ZNF564: variants seen among roughly 807,000 people sequenced by gnomAD.
ZNF564 encodes zinc finger protein 564.
ZNF564 carries 5 observed loss-of-function variants against 10.5 expected under a neutral mutation model. The observed-to-expected ratio is 0.48, with a 90% CI of 0.25 to 1.00. The LOEUF is 1.00. Among genes scored for constraint, ZNF564 ranks in the 50% least tolerant of loss-of-function variants. ZNF564 has a pLI of 0.16. For synonymous variants in ZNF564, 242 were observed against 218.1 expected (o/e 1.11, Z -0.97); for missense variants, 603 against 669.7 (o/e 0.90, Z 1.10).
intron 1 of ZNF564, among the ~76,000 whole-genome samples, chr19:12,543,673 CAAAAAAAAA>C (rs57611686): frequency 6.4e-5 from 4 of 62,256 alleles, no homozygotes; most frequent in Non-Finnish European, 1.2e-4. Flanking sequence ...GACTTCGTCT[CAAAAAAAAA>C]AAAAAAAAAA....
chr19:12,527,271 TTTC>T lies in ZNF564; in HGVS notation c.834_836del (p.Lys279del). ...TCCCACACTGTTTACATTCATGGGG[TTTC>T]TCTCCAGTATGAGTTCTTTCATGTA... On this transcript the variant is annotated inframe_deletion, in exon 4 of 4. Coordinates refer to ENST00000339282, the MANE Select transcript of ZNF564 (RefSeq NM_144976.4). 6.2e-7 allele frequency: 1 copy of T among 1,613,966 alleles called. No individual in the cohort carries two copies. The highest frequency in any genetic ancestry group is 8.5e-7 in the Non-Finnish European group (1 of 1,179,994).
rs148242369 is a variant in ZNF564 at position 12,550,292 on chromosome 19, C to CA, written c.3+1037dup. ...GGGCAATAAGAGCGAAACTCTGTCT[C>CA]AAAAAAAAAAAAAAATTTTACCGTA... On this transcript the variant is annotated intron_variant, in intron 1 of 3. Coordinates refer to ENST00000339282, the MANE Select transcript of ZNF564 (RefSeq NM_144976.4). 7.5e-3 allele frequency: 874 copies of CA among 116,208 alleles called. 3 individuals carry two copies. The highest frequency in any genetic ancestry group is 0.044 in the East Asian group (173 of 3,938). The allele number at this position is 116,208 out of a possible 1,614,324, so 7.2% of individuals were successfully genotyped here.
chr19:12,550,485 GT>G (rs2022232410), intron 1 of ZNF564: 1 of 281,820 alleles, frequency 3.5e-6, no homozygotes, highest in Non-Finnish European at 7.6e-6. Context: ...GAGAAACCCA[GT>G]TTCTACCAAA....
rs1302558303 is a variant in ZNF564, at chr19:12,533,748, A to T, written c.4-5052T>A. Among the ~76,000 whole-genome samples the T allele has an allele frequency of 4.0e-5, 6 of 150,004 alleles. No homozygotes were observed. In the East Asian group the frequency reaches 1.2e-3, roughly 29 times the overall value. On this transcript the variant is annotated intron_variant, in intron 1 of 3. Coordinates refer to ENST00000339282, the MANE Select transcript of ZNF564 (RefSeq NM_144976.4). The stretch of plus-strand genomic sequence containing the variant: ...TCTCCAAAAAAAAAAAAAAAAAAAA[A>T]AACAGAAAAAAGAAAAGAGTCTACT...
chr19:12,533,604 G>A (rs1026114556), intron 1 of ZNF564, among the ~76,000 whole-genome samples: 5 of 151,668 alleles, frequency 3.3e-5, no homozygotes, highest in African/African-American at 7.3e-5. Flanking sequence ...GCGCATGCCT[G>A]TAATCCCAGC....
Position 12,528,600 on chromosome 19 carries a change from G to T in ZNF564, c.100C>A (p.Arg34=), listed in dbSNP as rs761411593. ...SQKKLYRDVM[R]ETFRNLACVG... ...CAGGCCAGGTTTCTAAAGGTTTCCC[G>T]CATCACATCTCTGTAGAGTTTCTTC... is the stretch of plus-strand genomic sequence containing the variant. The change falls in exon 2 of 4, where the codon CGG becomes AGG. Residue 34 remains arginine, a synonymous_variant. Transcript: ENST00000339282. The T allele has an allele frequency of 6.2e-7, 1 of 1,613,724 alleles. No homozygotes were observed. Among genetic ancestry groups the T allele is most frequent in the South Asian group, 1.1e-5 (1 of 91,022 alleles).
chr19:12,538,593 CCA>C lies in ZNF564; in HGVS notation c.4-9899_4-9898del, dbSNP rs1412829443. On this transcript the variant is annotated intron_variant, in intron 1 of 3. Transcript: ENST00000339282. ...TGAGCCAAGATTGCGCCATTGCATT[CCA>C]GCCTGGGCAACACAGCAAGACTCTG... Among the ~76,000 whole-genome samples the C allele has an allele frequency of 1.5e-4, 23 of 151,894 alleles. 3 individuals carry two copies. Among genetic ancestry groups the C allele is most frequent in the African/African-American group, 5.6e-4 (23 of 41,436 alleles).
chr19:12,550,879 G>A (rs1442264890), intron 1 of ZNF564, among the ~76,000 whole-genome samples: 1 of 152,114 alleles, frequency 6.6e-6, no homozygotes, highest in Non-Finnish European at 1.5e-5. Context: ...AACGGGAGTC[G>A]TAGGTTTGAG....
At chr19:12,539,878 G>A (rs2022005652) in intron 1 of ZNF564, among the ~76,000 whole-genome samples, 1 of 151,662 alleles carries the variant, frequency 6.6e-6, no homozygotes, top group East Asian at 1.9e-4. Flanking sequence ...CTACTCGGGA[G>A]GCTGAGGCAG....
At chr19:12,541,227 G>A (rs774690921) in intron 1 of ZNF564, among the ~76,000 whole-genome samples, 3 of 151,916 alleles carry the variant, frequency 2.0e-5, no homozygotes, top group African/African-American at 4.8e-5. Context: ...ACTCCACCCT[G>A]GGTGATGGGG....
intron 1 of ZNF564, among the ~76,000 whole-genome samples, chr19:12,540,803 G>A (rs1252159802): frequency 5.9e-5 from 9 of 151,750 alleles, no homozygotes; most frequent in East Asian, 1.9e-4. Context: ...GCAGTGAGCC[G>A]AGATGGCACC....
chr19:12,531,882 G>A (rs1453701201), intron 1 of ZNF564, among the ~76,000 whole-genome samples: 1 of 152,144 alleles, frequency 6.6e-6, no homozygotes, highest in African/African-American at 2.4e-5. Flanking sequence ...GACAGATGCT[G>A]TTATAGTGGA....
intron 1 of ZNF564, among the ~76,000 whole-genome samples, chr19:12,533,727 CAAAAAAAA>C (rs59631972): frequency 6.9e-5 from 2 of 29,182 alleles, no homozygotes; most frequent in African/African-American, 3.4e-4. Context: ...CTGCTGTCTC[CAAAAAAAA>C]AAAAAAAAAA....
rs754163760 is a variant in ZNF564 at position 12,528,356 on chromosome 19, A to AT, written c.138dup (p.Trp47MetfsTer7). The AT allele has an allele frequency of 3.7e-6, 6 of 1,606,098 alleles. No homozygotes were observed. The highest frequency in any genetic ancestry group is 1.8e-5 in the Admixed American group (1 of 56,600). Reference sequence around the variant, plus strand: ...CAATCTTCAATGCTCTGGTCTTCCCATTTTTTTCCTAAAATATAGTCAGAA... The same window carrying AT: ...CAATCTTCAATGCTCTGGTCTTCCCATTTTTTTTCCTAAAATATAGTCAGAA... On this transcript the variant is annotated frameshift_variant, in exon 3 of 4. Transcript: ENST00000339282. LOFTEE classifies it high-confidence loss of function.
chr19:12,549,324 A>T (rs906984742), intron 1 of ZNF564, among the ~76,000 whole-genome samples: 3 of 152,162 alleles, frequency 2.0e-5, no homozygotes, highest in Non-Finnish European at 4.4e-5. Context: ...TGGAATACAG[A>T]CATTTATCTG....
Position 12,525,385 on chromosome 19 carries a change from A to G in ZNF564, c.*1061T>C, listed in dbSNP as rs887684405. ...GAAATGCTGATCATATGTTATTTCT[A>G]TATTTTAATCTGGGGATCTGCCATA... is the stretch of plus-strand genomic sequence containing the variant. On this transcript the variant is annotated 3_prime_UTR_variant, in exon 4 of 4. Coordinates refer to ENST00000339282, the MANE Select transcript of ZNF564 (RefSeq NM_144976.4). 1 of 152,220 alleles carries G rather than the reference A, an allele frequency of 6.6e-6. No homozygotes were observed. The highest frequency in any genetic ancestry group is 2.4e-5 in the African/African-American group (1 of 41,462). 9.4% of individuals were successfully genotyped at this position (152,220 alleles called of 1,614,324 possible).
In ZNF564 at chr19:12,528,779, A is replaced by G. The variant is rs563097575; in HGVS notation, c.4-83T>C. 1.0e-5 allele frequency: 15 copies of G among 1,468,842 alleles called. No homozygotes were observed. In the East Asian group the frequency reaches 2.6e-4, roughly 25 times the overall value. The allele number at this position is 1,468,842 out of a possible 1,614,324, so 91.0% of individuals were successfully genotyped here. On this transcript the variant is annotated intron_variant, in intron 1 of 3. Coordinates refer to ENST00000339282, the MANE Select transcript of ZNF564 (RefSeq NM_144976.4). ...TAAACCCAATTCATAAAAGTTCACAAATGGCTAGGTGTGGTGGCTCATGCC... is the reference window on the plus strand; with the variant it reads ...TAAACCCAATTCATAAAAGTTCACAGATGGCTAGGTGTGGTGGCTCATGCC...
chr19:12,528,268 A>G (rs2021732851), intron 3 of ZNF564, 36 bp downstream of exon 3: 12 of 1,566,666 alleles, frequency 7.7e-6, no homozygotes, highest in African/African-American at 1.4e-5. Context: ...ACATACTAAG[A>G]AGGAGACATT....
chr19:12,533,475 C>T (rs1188178732), intron 1 of ZNF564, among the ~76,000 whole-genome samples: 5 of 151,994 alleles, frequency 3.3e-5, no homozygotes, highest in Non-Finnish European at 7.4e-5. Flanking sequence ...GCCTATAATC[C>T]CAGCAATTTG....
Sources: allele counts gnomAD v4.1 joint callset (sites outside exome capture counted in the v4.1 genomes callset), GRCh38; gene constraint gnomAD v4.1.1; transcripts MANE v1.5; gene names NCBI Gene and HGNC (gene_info 2026-07-23, HGNC 2026-07-21).